The following ASAP1 variants were observed in gnomAD, a reference collection of about 807,000 sequenced individuals.
ASAP1 encodes the protein arf-GAP with SH3 domain, ANK repeat and PH domain-containing protein 1.
A neutral mutation model predicts 145.2 loss-of-function variants in ASAP1; 43 were observed. The observed-to-expected ratio is 0.30, with a 90% confidence interval of 0.23 to 0.38. ASAP1 has a LOEUF of 0.38. Ranked by LOEUF, ASAP1 falls within the 10% of genes least tolerant of loss-of-function variation. The pLI is 1.00. For missense variants in ASAP1, 1,018 were observed against 1,355.3 expected (o/e 0.75, Z 3.91); for synonymous variants, 546 against 515.5 (o/e 1.06, Z -0.80).
At chr8:130,385,659 G>A (rs1169508370) in intron 2 of ASAP1, among the ~76,000 whole-genome samples, 3 of 152,184 alleles carry the variant, frequency 2.0e-5, no homozygotes, top group African/African-American at 7.2e-5. Flanking sequence ...GTGTGTCCAC[G>A]AGTGGAGGGA....
At position 130,116,905 on chromosome 8, in the gene ASAP1, G is replaced by A. The variant is rs1417307337; in HGVS notation, c.1971C>T (p.Leu657=). Residue 657 remains leucine, a synonymous_variant, in exon 21 of 30, where the codon CTC becomes CTT. Transcript: ENST00000518721. ...CTATATCCACAGTGGGCTTGCTCCTGAGCAAAAGCTTCAAACACTCAGGTT... is the reference window on the plus strand; with the variant it reads ...CTATATCCACAGTGGGCTTGCTCCTAAGCAAAAGCTTCAAACACTCAGGTT... ...YSKPECLKLL[L]RSKPTVDIVN... 17 of 1,613,990 alleles carry A rather than the reference G, an allele frequency of 1.1e-5. No individual in the cohort carries two copies. The highest frequency in any genetic ancestry group is 1.4e-5 in the Non-Finnish European group (16 of 1,179,922).
At chr8:130,181,430 T>C (rs1230935356) in intron 7 of ASAP1, among the ~76,000 whole-genome samples, 1 of 152,232 alleles carries the variant, frequency 6.6e-6, no homozygotes, top group Non-Finnish European at 1.5e-5. Flanking sequence ...ACATGAGGCT[T>C]TCCTTGAATA....
rs1828205973 is a variant in ASAP1, at chr8:130,390,101, G to A, written c.59+11784C>T. ...GGGCCTGAGAATCTGATTTTTAACA[G>A]CTCCCCAGGTGACCCACATGCATAT... On this transcript the variant is annotated intron_variant, in intron 2 of 29. Coordinates refer to ENST00000518721, the MANE Select transcript of ASAP1 (RefSeq NM_018482.4). 5.3e-5 allele frequency among the ~76,000 whole-genome samples: 8 copies of A among 151,984 alleles called. 1 individual carries two copies. Among genetic ancestry groups the A allele is most frequent in the Middle Eastern group, 3.4e-3 (1 of 292 alleles).
chr8:130,435,903 G>A (rs1445626084), intron 1 of ASAP1, among the ~76,000 whole-genome samples: 2 of 152,144 alleles, frequency 1.3e-5, no homozygotes, highest in African/African-American at 4.8e-5. Context: ...AGCTCCCATA[G>A]AAACTTTTCC....
intron 14 of ASAP1, among the ~76,000 whole-genome samples, chr8:130,135,899 C>T (rs1228160198): frequency 6.6e-6 from 1 of 152,158 alleles, no homozygotes; most frequent in Non-Finnish European, 1.5e-5. Context: ...CTGCAGAATA[C>T]AGTTTCGACT....
At chr8:130,317,805 A>G (rs1438996233) in intron 3 of ASAP1, among the ~76,000 whole-genome samples, 2 of 152,220 alleles carry the variant, frequency 1.3e-5, no homozygotes, top group Admixed American at 1.3e-4. Flanking sequence ...GAAGTGATGA[A>G]CATGGCATGG....
intron 13 of ASAP1, among the ~76,000 whole-genome samples, 173 bp from the exon 14 acceptor site, chr8:130,137,211 A>G (rs2097597011): frequency 6.6e-6 from 1 of 152,262 alleles, no homozygotes; most frequent in South Asian, 2.1e-4. Flanking sequence ...TGCTGCAAGA[A>G]GACAACAGAT....
chr8:130,391,693 A>G (rs1828291121), intron 2 of ASAP1, among the ~76,000 whole-genome samples: 1 of 152,250 alleles, frequency 6.6e-6, no homozygotes, highest in Admixed American at 6.5e-5. Context: ...CCTTCAAGGC[A>G]CTCAGAGTAT....
chr8:130,252,737 T>G (rs1029063177), intron 3 of ASAP1, among the ~76,000 whole-genome samples: 7 of 152,176 alleles, frequency 4.6e-5, no homozygotes, highest in African/African-American at 1.7e-4. Flanking sequence ...TTCATCTTGA[T>G]GCAATTTCAG....
chr8:130,189,234 T>A (rs1814966621), intron 5 of ASAP1, among the ~76,000 whole-genome samples: 1 of 152,202 alleles, frequency 6.6e-6, no homozygotes, highest in African/African-American at 2.4e-5. Context: ...GTCACTCTGC[T>A]GTGCTACCTA....
At chr8:130,215,520 G>C (rs536860674) in intron 4 of ASAP1, among the ~76,000 whole-genome samples, 4 of 152,040 alleles carry the variant, frequency 2.6e-5, no homozygotes, top group African/African-American at 9.7e-5. Flanking sequence ...AAGGCGGGCC[G>C]ATCACGAGGT....
intron 3 of ASAP1, among the ~76,000 whole-genome samples, chr8:130,305,933 T>C (rs1249008843): frequency 6.6e-6 from 1 of 152,178 alleles, no homozygotes; most frequent in Non-Finnish European, 1.5e-5. Flanking sequence ...TAGATCTCCT[T>C]ACTCCTATTC....
chr8:130,402,018 C>A lies in ASAP1; in HGVS notation c.-27-48G>T. 2.3e-6 allele frequency: 3 copies of A among 1,290,298 alleles called. No homozygotes were observed. In the South Asian group the frequency reaches 3.7e-5, roughly 16 times the overall value. The allele number at this position is 1,290,298 out of a possible 1,614,324, so 79.9% of individuals were successfully genotyped here. On this transcript the variant is annotated intron_variant, in intron 1 of 29. Coordinates refer to ENST00000518721, the MANE Select transcript of ASAP1 (RefSeq NM_018482.4). ...AGGGGACAAGAGTCATCCGGTGAAA[C>A]TGGGCAGAAGACATTGTCTCAGACC...
At chr8:130,162,562 T>C (rs1175140006) in intron 11 of ASAP1, among the ~76,000 whole-genome samples, 2 of 152,154 alleles carry the variant, frequency 1.3e-5, no homozygotes, top group Non-Finnish European at 2.9e-5. Context: ...CTCACGCCTG[T>C]AATCCCAGCA....
chr8:130,353,909 C>T (rs540906763), intron 3 of ASAP1, among the ~76,000 whole-genome samples: 7 of 151,202 alleles, frequency 4.6e-5, no homozygotes, highest in Admixed American at 1.3e-4. Flanking sequence ...TTTTTTGAGA[C>T]GGAGTCTTGC....
At position 130,371,096 on chromosome 8, in the gene ASAP1, T is replaced by C. The variant is rs138076308; in HGVS notation, c.60-12953A>G. 5.7e-3 allele frequency among the ~76,000 whole-genome samples: 873 copies of C among 152,368 alleles called. 6 individuals carry two copies. The highest frequency in any genetic ancestry group is 9.1e-3 in the Non-Finnish European group (619 of 68,036). ...ACTATGGTGGTGAAGATGGAAGGCA[T>C]ACCTTACCTGTTAATAACAACTAGA... On this transcript the variant is annotated intron_variant, in intron 2 of 29. Transcript: ENST00000518721.
At chr8:130,361,033 TC>T (rs1302992161) in intron 2 of ASAP1, 3 of 154,682 alleles carry the variant, frequency 1.9e-5, no homozygotes, top group Non-Finnish European at 4.3e-5. Flanking sequence ...AAGAAGGCCT[TC>T]CTTCCTCTAG....
chr8:130,161,511 C>CT (rs1283937631), intron 11 of ASAP1, among the ~76,000 whole-genome samples: 1 of 152,188 alleles, frequency 6.6e-6, no homozygotes, highest in Non-Finnish European at 1.5e-5. Flanking sequence ...AACATAAGCC[C>CT]TGGCTTTGAC....
rs1401017850 is a variant in ASAP1 at position 130,052,361 on chromosome 8, C to T, written c.*2370G>A. The T allele has an allele frequency of 6.6e-6, 1 of 152,416 alleles. No individual in the cohort carries two copies. The highest frequency in any genetic ancestry group is 1.5e-5 in the Non-Finnish European group (1 of 68,022). 9.4% of individuals were successfully genotyped at this position (152,416 alleles called of 1,614,324 possible). A position where few individuals can be genotyped will look rare whatever the true frequency, so the allele number is the denominator to read the frequency against. ...CTGTTCAACAGTAAAATAAGACACA[C>T]ACTATTTGCAGAACATAACTTTCCC... is the stretch of plus-strand genomic sequence containing the variant. On this transcript the variant is annotated 3_prime_UTR_variant, in exon 30 of 30. Coordinates refer to ENST00000518721, the MANE Select transcript of ASAP1 (RefSeq NM_018482.4).
Sources: allele counts gnomAD v4.1 joint callset (sites outside exome capture counted in the v4.1 genomes callset), GRCh38; gene constraint gnomAD v4.1.1; transcripts MANE v1.5; gene names NCBI Gene and HGNC (gene_info 2026-07-23, HGNC 2026-07-21).